TPTE2: variants seen among roughly 807,000 people sequenced by gnomAD.
TPTE2 encodes phosphatidylinositol 3,4,5-trisphosphate 3-phosphatase TPTE2.
A neutral mutation model predicts 78.6 loss-of-function variants in TPTE2; 53 were observed. The observed-to-expected ratio is 0.67, with a 90% CI of 0.54 to 0.85. TPTE2 has a LOEUF of 0.85. Among genes scored for constraint, TPTE2 ranks in the 40% least tolerant of loss-of-function variants. The probability of loss-of-function intolerance (pLI) is 0.00; values close to 1 mark genes in which losing one functional copy is unlikely to be tolerated. For synonymous variants in TPTE2, 175 were observed against 206.2 expected (o/e 0.85, Z 1.30); for missense variants, 461 against 623.0 (o/e 0.74, Z 2.77).
At chr13:19,527,640 C>T (rs1358373732) in intron 1 of TPTE2, among the ~76,000 whole-genome samples, 5 of 151,736 alleles carry the variant, frequency 3.3e-5, no homozygotes, top group Admixed American at 1.3e-4. Flanking sequence ...TTTGGGAGAC[C>T]AAGGCAGGCA....
intron 10 of TPTE2, among the ~76,000 whole-genome samples, chr13:19,457,838 T>A (rs1243802052): frequency 6.6e-6 from 1 of 152,192 alleles, no homozygotes; most frequent in Non-Finnish European, 1.5e-5. Context: ...TTTGAATAAG[T>A]AAAAGGAACC....
chr13:19,554,881 C>T, the TPTE2 span, among the ~76,000 whole-genome samples: 2 of 152,174 alleles, frequency 1.3e-5, no homozygotes, highest in African/African-American at 2.4e-5. Context: ...TACTGGGAAA[C>T]AATCAGTTGT....
intron 3 of TPTE2, among the ~76,000 whole-genome samples, chr13:19,490,958 A>G (rs1472907739): frequency 6.6e-6 from 1 of 152,196 alleles, no homozygotes; most frequent in South Asian, 2.1e-4. Context: ...AAGGGTGACC[A>G]ATGGAATAGG....
chr13:19,488,103 T>C (rs945117621), intron 3 of TPTE2, among the ~76,000 whole-genome samples: 27 of 152,200 alleles, frequency 1.8e-4, no homozygotes, highest in Non-Finnish European at 1.5e-4. Flanking sequence ...CACAGATGTG[T>C]CTGCACTCCT....
the TPTE2 span, among the ~76,000 whole-genome samples, chr13:19,554,203 G>A: frequency 6.6e-6 from 1 of 151,290 alleles, no homozygotes; most frequent in East Asian, 1.9e-4. Flanking sequence ...GTGAAAACCT[G>A]TCTCTACTAA....
intron 1 of TPTE2, chr13:19,536,486 T>C (rs1871218021): frequency 1.3e-5 from 2 of 152,182 alleles, no homozygotes; most frequent in African/African-American, 2.4e-5. Flanking sequence ...ATCATTCCTG[T>C]GCTTTTCTTT....
At position 19,532,380 on chromosome 13, in the gene TPTE2, G is replaced by C. The variant is rs899410908; in HGVS notation, c.-44+4216C>G. On this transcript the variant is annotated intron_variant, in intron 1 of 17. Coordinates refer to the TPTE2 transcript ENST00000390680. The stretch of plus-strand genomic sequence containing the variant: ...CTTATAAAAGGGCTTGAAAGAGGGA[G>C]TTCATCCCTCTTTTTCTTCTGCCTT... Among the ~76,000 whole-genome samples, 12 of 152,100 alleles carry C rather than the reference G, an allele frequency of 7.9e-5. 1 individual carries two copies. Among genetic ancestry groups the C allele is most frequent in the Admixed American group, 7.9e-4 (12 of 15,266 alleles).
chr13:19,555,109 C>T, the TPTE2 span, among the ~76,000 whole-genome samples: 1 of 152,300 alleles, frequency 6.6e-6, no homozygotes, highest in East Asian at 1.9e-4. Flanking sequence ...ATGTTCCAAG[C>T]ACTATGCCTG....
At chr13:19,503,903 G>T (rs1868804367), upstream of TPTE2, among the ~76,000 whole-genome samples, 1 of 152,062 alleles carries the variant, frequency 6.6e-6, no homozygotes, top group South Asian at 2.1e-4. Context: ...ACCACGCCCG[G>T]CTAATTTTTT....
chr13:19,501,914 TATCC>T (rs1868588674), intron 1 of TPTE2, among the ~76,000 whole-genome samples: 2 of 151,238 alleles, frequency 1.3e-5, no homozygotes, highest in African/African-American at 4.9e-5. Flanking sequence ...AAAGGGCTAA[TATCC>T]AGAATCTACA....
intron 1 of TPTE2, among the ~76,000 whole-genome samples, chr13:19,499,159 G>A (rs1328910889): frequency 6.6e-6 from 1 of 152,104 alleles, no homozygotes; most frequent in Non-Finnish European, 1.5e-5. Context: ...CAAGTCCTGA[G>A]TGACCTACAA....
At chr13:19,525,524 T>G (rs1283993784) in intron 1 of TPTE2, among the ~76,000 whole-genome samples, 1 of 152,164 alleles carries the variant, frequency 6.6e-6, no homozygotes, top group Non-Finnish European at 1.5e-5. Flanking sequence ...ACCCCTTCCT[T>G]TCACCACAAA....
Position 19,483,439 on chromosome 13 carries a change from G to C in TPTE2, c.120-892C>G, listed in dbSNP as rs567539443. 7.9e-5 allele frequency among the ~76,000 whole-genome samples: 12 copies of C among 152,216 alleles called. 1 individual carries two copies. In the South Asian group the frequency reaches 2.3e-3, roughly 29 times the overall value. The stretch of plus-strand genomic sequence containing the variant: ...CCTCTAGGTTTTCAAATTTATTGTA[G>C]AGTTGCTCATAATAGTCTCTAATAA... On this transcript the variant is annotated intron_variant, in intron 3 of 19. Transcript: ENST00000400230.
rs559189242 is a variant in TPTE2, at chr13:19,486,100, A to C, written c.120-3553T>G. On this transcript the variant is annotated intron_variant, in intron 3 of 19. Transcript: ENST00000400230. The surrounding 1 kb of genome is among the most constrained non-coding windows in gnomAD (Gnocchi z 4.3). ...GCATTTTCACGGTTGCTGTGTTTCT[A>C]AATTGATTTCTATGCATCTGGTGAA... Among the ~76,000 whole-genome samples, 129 of 152,122 alleles carry C rather than the reference A, an allele frequency of 8.5e-4. No individual in the cohort carries two copies. Among genetic ancestry groups the C allele is most frequent in the African/African-American group, 2.9e-3 (122 of 41,516 alleles).
At chr13:19,496,968 G>C (rs1427921421) in intron 1 of TPTE2, among the ~76,000 whole-genome samples, 1 of 152,198 alleles carries the variant, frequency 6.6e-6, no homozygotes, top group South Asian at 2.1e-4. Context: ...GAAGCAGGGC[G>C]AGGCATTGCC....
chr13:19,495,164 C>T (rs1881230958), intron 1 of TPTE2, among the ~76,000 whole-genome samples: 1 of 152,192 alleles, frequency 6.6e-6, no homozygotes, highest in Non-Finnish European at 1.5e-5. Context: ...TTTCACCCAT[C>T]CTAGTTGTCT....
intron 13 of TPTE2, 76 bp downstream of exon 16, chr13:19,450,000 A>T: frequency 6.6e-7 from 1 of 1,519,536 alleles, no homozygotes; most frequent in South Asian, 1.2e-5. Flanking sequence ...TAATAGCAAT[A>T]CGTATCTTGT....
At chr13:19,502,978 G>A (rs1386124453) in intron 1 of TPTE2, among the ~76,000 whole-genome samples, 1 of 151,976 alleles carries the variant, frequency 6.6e-6, no homozygotes, top group African/African-American at 2.4e-5. Context: ...ACCTACAAAG[G>A]CTACATTGAA....
intron 10 of TPTE2, among the ~76,000 whole-genome samples, chr13:19,456,685 T>G (rs1385732985): frequency 5.3e-5 from 8 of 151,938 alleles, no homozygotes; most frequent in African/African-American, 1.7e-4. Context: ...TGTTCATGAG[T>G]TGGAAATCTT....
Sources: allele counts gnomAD v4.1 joint callset (sites outside exome capture counted in the v4.1 genomes callset), GRCh38; gene constraint gnomAD v4.1.1; non-coding constraint Gnocchi (gnomAD v3.1); transcripts MANE v1.5; gene names NCBI Gene and HGNC (gene_info 2026-07-23, HGNC 2026-07-21).